The following EVI5 variants were observed in gnomAD, a reference collection of about 807,000 sequenced individuals.
EVI5 encodes ecotropic viral integration site 5.
In EVI5, 73 loss-of-function variants were observed where a neutral mutation model predicts 112.0. The observed-to-expected ratio is 0.65, with a 90% CI of 0.54 to 0.79. The LOEUF (loss-of-function observed/expected upper bound fraction) is 0.79. Among genes scored for constraint, EVI5 ranks in the 30% least tolerant of loss-of-function variants. The pLI is 0.00. For missense variants in EVI5, 900 were observed against 968.8 expected, an observed-to-expected ratio of 0.93 and a Z score of 0.94; for synonymous variants, 305 against 319.9, an observed-to-expected ratio of 0.95 and a Z score of 0.50.
intron 2 of EVI5, among the ~76,000 whole-genome samples, chr1:92,708,523 T>C (rs998648168): frequency 6.6e-6 from 1 of 152,068 alleles, no homozygotes; most frequent in African/African-American, 2.4e-5. Context: ...ACACTACTTG[T>C]GGGAATGTAA....
chr1:92,647,259 C>T (rs773989831), intron 13 of EVI5: 1 of 178,694 alleles, frequency 5.6e-6, no homozygotes, highest in Non-Finnish European at 1.2e-5. Context: ...AGTTATCCCA[C>T]ACCTCACACA....
At chr1:92,629,661 T>C (rs551833889) in intron 14 of EVI5, among the ~76,000 whole-genome samples, 1 of 150,752 alleles carries the variant, frequency 6.6e-6, no homozygotes, top group Non-Finnish European at 1.5e-5. Flanking sequence ...ATTTTCTTTT[T>C]TTTTCTTTTT....
chr1:92,583,204 C>T (rs1672227990), intron 18 of EVI5, among the ~76,000 whole-genome samples: 1 of 151,692 alleles, frequency 6.6e-6, no homozygotes. Flanking sequence ...ACTATTTTTT[C>T]TAAATATTAA....
At chr1:92,590,082 C>T (rs547481016) in intron 18 of EVI5, among the ~76,000 whole-genome samples, 2 of 152,332 alleles carry the variant, frequency 1.3e-5, no homozygotes, top group African/African-American at 4.8e-5. Context: ...AACTAACAAA[C>T]AGAAAGGACA....
chr1:92,747,571 G>A (rs1427078395), intron 1 of EVI5, among the ~76,000 whole-genome samples: 2 of 151,774 alleles, frequency 1.3e-5, no homozygotes, highest in Admixed American at 6.6e-5. Context: ...AAAATTAGCC[G>A]GGAGTGATGT....
chr1:92,651,808 G>A lies in EVI5; in HGVS notation c.1392+10911C>T, dbSNP rs1017537316. On this transcript the variant is annotated intron_variant, in intron 13 of 19. Transcript: ENST00000684568. ...GGAGCTTGCAGTGAGCCGAGATCCC[G>A]CCACTGCACTCCAGCCTGGGCGACA... Among the ~76,000 whole-genome samples the A allele has an allele frequency of 2.0e-4, 28 of 139,202 alleles. No individual in the cohort carries two copies. The East Asian group carries it at 5.3e-3, about 26-fold the overall frequency. The allele number at this position is 139,202 out of a possible 152,430, so 91.3% of individuals were successfully genotyped here.
At chr1:92,560,057 A>G (rs1353558111) in intron 19 of EVI5, among the ~76,000 whole-genome samples, 1 of 152,242 alleles carries the variant, frequency 6.6e-6, no homozygotes, top group Non-Finnish European at 1.5e-5. Flanking sequence ...GATGTAGAAC[A>G]GTAAGAACTT....
At chr1:92,673,181 T>TTC (rs985868900) in intron 10 of EVI5, among the ~76,000 whole-genome samples, 6 of 68,116 alleles carry the variant, frequency 8.8e-5, no homozygotes, top group East Asian at 1.0e-3. Flanking sequence ...TAGATAACAC[T>TTC]TCTCTTTTTT....
intron 18 of EVI5, among the ~76,000 whole-genome samples, chr1:92,589,186 G>C (rs986333393): frequency 2.0e-5 from 3 of 152,222 alleles, no homozygotes; most frequent in Non-Finnish European, 4.4e-5. Context: ...CTCCCAGCGT[G>C]AGTGATGCAG....
At chr1:92,534,511 C>T (rs574649582) in intron 19 of EVI5, among the ~76,000 whole-genome samples, 18 of 152,234 alleles carry the variant, frequency 1.2e-4, no homozygotes, top group South Asian at 6.2e-4. Context: ...GAAGGTATCA[C>T]GCTACCTGAC....
At chr1:92,654,486 A>G (rs1418296067) in intron 13 of EVI5, among the ~76,000 whole-genome samples, 1 of 152,234 alleles carries the variant, frequency 6.6e-6, no homozygotes, top group Non-Finnish European at 1.5e-5. Context: ...GGAAGCACCC[A>G]GAACATACAT....
chr1:92,702,091 C>T (rs1671247959), intron 5 of EVI5, 50 bp downstream of exon 5: 1 of 932,280 alleles, frequency 1.1e-6, no homozygotes, highest in African/African-American at 1.8e-5. Context: ...ACTCTCCAAT[C>T]CAACTTAATA....
intron 1 of EVI5, among the ~76,000 whole-genome samples, chr1:92,761,861 A>C (rs1334577670): frequency 1.3e-5 from 2 of 152,250 alleles, no homozygotes; most frequent in African/African-American, 4.8e-5. Context: ...TCAATCTTTT[A>C]ACAGGTTATA....
intron 16 of EVI5, among the ~76,000 whole-genome samples, chr1:92,613,075 G>A (rs1377684177): frequency 1.3e-5 from 2 of 152,168 alleles, no homozygotes; most frequent in African/African-American, 4.8e-5. Context: ...GCTAAACCTT[G>A]CCTGTCTCCT....
chr1:92,768,084 A>AC (rs1250033447), intron 1 of EVI5, among the ~76,000 whole-genome samples: 1 of 151,554 alleles, frequency 6.6e-6, no homozygotes, highest in Non-Finnish European at 1.5e-5. Context: ...TATCTCAAAA[A>AC]AAAAAAAAAG....
intron 18 of EVI5, among the ~76,000 whole-genome samples, chr1:92,581,790 GTAT>G (rs1361218977): frequency 8.0e-4 from 1 of 1,252 alleles, no homozygotes; most frequent in Non-Finnish European, 1.3e-3. Flanking sequence ...TTTAAATAAA[GTAT>G]GTAAAGGAAT....
intron 1 of EVI5, among the ~76,000 whole-genome samples, chr1:92,762,475 G>C (rs1304813947): frequency 6.6e-6 from 1 of 152,180 alleles, no homozygotes; most frequent in Non-Finnish European, 1.5e-5. Flanking sequence ...ATAAATGATA[G>C]AGCCAAGATA....
chr1:92,746,500 T>C (rs1229930775), intron 1 of EVI5, among the ~76,000 whole-genome samples: 1 of 151,998 alleles, frequency 6.6e-6, no homozygotes, highest in African/African-American at 2.4e-5. Flanking sequence ...CCGAGGTGGG[T>C]GGATCACTTG....
intron 14 of EVI5, among the ~76,000 whole-genome samples, chr1:92,631,032 G>A (rs984236165): frequency 1.3e-5 from 2 of 152,136 alleles, no homozygotes; most frequent in African/African-American, 4.8e-5. Flanking sequence ...CTGTTCCATT[G>A]ATCTATATCT....
Sources: allele counts gnomAD v4.1 joint callset (sites outside exome capture counted in the v4.1 genomes callset), GRCh38; gene constraint gnomAD v4.1.1; transcripts MANE v1.5; gene names NCBI Gene and HGNC (gene_info 2026-07-23, HGNC 2026-07-21).